Variants in TEX14 observed in about 807,000 individuals in gnomAD.
The protein encoded by TEX14 is testis expressed 14, intercellular bridge forming factor.
A neutral mutation model predicts 178.6 loss-of-function variants in TEX14; 168 were observed. The observed-to-expected ratio is 0.94, with a 90% CI of 0.83 to 1.07. TEX14 has a LOEUF of 1.07. Among genes scored for constraint, TEX14 ranks in the 50% least tolerant of loss-of-function variants. TEX14 has a pLI of 0.00. For missense variants in TEX14, 1,730 were observed against 1,753.6 expected (o/e 0.99, Z 0.24); for synonymous variants, 626 against 634.1 (o/e 0.99, Z 0.19).
chr17:58,643,949 C>G (rs930355899), intron 2 of TEX14, among the ~76,000 whole-genome samples: 2 of 151,274 alleles, frequency 1.3e-5, no homozygotes, highest in Non-Finnish European at 2.9e-5. Flanking sequence ...CTCCCCCGCC[C>G]CCCCCAAATA....
chr17:58,616,044 C>T (rs2045864496), intron 7 of TEX14, 131 bp downstream of exon 7: 3 of 1,077,336 alleles, frequency 2.8e-6, no homozygotes, highest in East Asian at 2.5e-5. Context: ...GCTGAGAAAC[C>T]CTGATTTAGA....
chr17:58,574,089 C>T lies in TEX14; in HGVS notation c.3383+98G>A, dbSNP rs181870603. On this transcript the variant is annotated intron_variant, in intron 22 of 31. Transcript: ENST00000349033. ...GCAGCATACTCACATTAAGTCTACA[C>T]GTAAAAATGGAAAGATCCTTACAAA... 1.2e-4 allele frequency: 116 copies of T among 983,844 alleles called. No individual in the cohort carries two copies. In the East Asian group the frequency reaches 1.9e-3, roughly 16 times the overall value. The allele number at this position is 983,844 out of a possible 1,614,324, so 60.9% of individuals were successfully genotyped here. A position where few individuals can be genotyped will look rare whatever the true frequency, so the allele number is the denominator to read the frequency against.
chr17:58,572,058 C>CT lies in TEX14; in HGVS notation c.3579dup (p.Glu1194ArgfsTer17). ...TGACTGTTCCAGCAAGAGGCAAACT[C>CT]TGTCTTAACCTGAAATGTGATACTT... On this transcript the variant is annotated frameshift_variant, in exon 24 of 32. Coordinates refer to ENST00000349033, the MANE Select transcript of TEX14 (RefSeq NM_031272.5). LOFTEE classifies it high-confidence loss of function. 6.2e-7 allele frequency: 1 copy of CT among 1,614,156 alleles called. No individual in the cohort carries two copies. Among genetic ancestry groups the CT allele is most frequent in the Non-Finnish European group, 8.5e-7 (1 of 1,180,004 alleles).
chr17:58,664,280 C>A (rs2047169278), intron 1 of TEX14, among the ~76,000 whole-genome samples: 1 of 152,172 alleles, frequency 6.6e-6, no homozygotes, highest in Non-Finnish European at 1.5e-5. Flanking sequence ...CTGACCACAG[C>A]TCTGAGGCCT....
chr17:58,612,380 G>A, intron 9 of TEX14, among the ~76,000 whole-genome samples: 1 of 152,122 alleles, frequency 6.6e-6, no homozygotes, highest in East Asian at 1.9e-4. Context: ...CTTGAAGCCA[G>A]GAGTTCAAGA....
chr17:58,680,897 A>G (rs778209701), intron 1 of TEX14, among the ~76,000 whole-genome samples: 13 of 152,198 alleles, frequency 8.5e-5, no homozygotes, highest in Non-Finnish European at 1.5e-4. Flanking sequence ...CTGCCAAAAT[A>G]AATTAGCCAG....
At chr17:58,628,833 C>T (rs116357634) in intron 3 of TEX14, among the ~76,000 whole-genome samples, 7,303 of 151,620 alleles carry the variant, frequency 0.048, 370 homozygotes, top group African/African-American at 0.13. Context: ...TGCAGTGAGC[C>T]GTAGTAGCGC....
At chr17:58,594,157 T>C (rs2045223819) in intron 14 of TEX14, among the ~76,000 whole-genome samples, 1 of 151,758 alleles carries the variant, frequency 6.6e-6, no homozygotes, top group Admixed American at 6.6e-5. Flanking sequence ...TACCCAGAAA[T>C]GTTGGTCTCC....
intron 13 of TEX14, among the ~76,000 whole-genome samples, chr17:58,601,446 C>T (rs1204300506): frequency 4.7e-5 from 7 of 150,388 alleles, no homozygotes; most frequent in East Asian, 3.9e-4. Context: ...TGCTTGAACC[C>T]GGGAGGCGGA....
In TEX14 at chr17:58,615,324, C is replaced by T. The variant is rs1225107393; in HGVS notation, c.789G>A (p.Arg263=). The T allele has an allele frequency of 1.2e-6, 2 of 1,612,000 alleles. 1 individual carries two copies. The highest frequency in any genetic ancestry group is 3.3e-5 in the Admixed American group (2 of 59,988). Residue 263 remains arginine, a synonymous_variant, in exon 8 of 32, where the codon AGG becomes AGA. Coordinates refer to ENST00000349033, the MANE Select transcript of TEX14 (RefSeq NM_031272.5). Reference sequence around the variant, plus strand: ...GGAGATTCAGCTCTTTCACTGTGACCCTGCTCCCATTCCACACTAGGCTAC... The same window carrying T: ...GGAGATTCAGCTCTTTCACTGTGACTCTGCTCCCATTCCACACTAGGCTAC... The part of the protein sequence containing the change: ...VMTNLVWNGS[R]VTVKELNLPT...
chr17:58,688,741 T>C (rs922994448), intron 1 of TEX14, among the ~76,000 whole-genome samples: 4 of 152,082 alleles, frequency 2.6e-5, no homozygotes, highest in African/African-American at 9.7e-5. Context: ...GGTTTGCCCA[T>C]AGCAATGTCT....
intron 1 of TEX14, among the ~76,000 whole-genome samples, chr17:58,683,052 C>CAAAAAAAAAA (rs1194798521): frequency 9.3e-5 from 5 of 54,018 alleles, no homozygotes; most frequent in Admixed American, 2.1e-4. Context: ...GAGTCTGTCT[C>CAAAAAAAAAA]AAAAAAAAAA....
chr17:58,623,065 A>G (rs750339754), intron 3 of TEX14, 53 bp from the exon 4 acceptor site: 4 of 1,538,898 alleles, frequency 2.6e-6, no homozygotes, highest in Non-Finnish European at 3.6e-6. Flanking sequence ...CCTGCATTCC[A>G]TGGAGCGGGG....
Position 58,620,996 on chromosome 17 carries a change from CCCAG to C in TEX14, c.554+650_554+653del, listed in dbSNP as rs2045985385. On this transcript the variant is annotated intron_variant, in intron 5 of 31. Coordinates refer to ENST00000349033, the MANE Select transcript of TEX14 (RefSeq NM_031272.5). ...AGGAAGCCTGCAAAAGTGTGGTGAG[CCCAG>C]CTACCCTGCTTACAGAAAGAGATGC... 2.6e-5 allele frequency among the ~76,000 whole-genome samples: 4 copies of C among 152,098 alleles called. No homozygotes were observed. The East Asian group carries it at 7.7e-4, about 29-fold the overall frequency.
At chr17:58,623,736 G>A (rs1258437112) in intron 3 of TEX14, among the ~76,000 whole-genome samples, 5 of 137,784 alleles carry the variant, frequency 3.6e-5, no homozygotes, top group African/African-American at 1.3e-4. Context: ...GAGGAGGAAG[G>A]GAAAAAAAAG....
chr17:58,674,957 C>T (rs1160003026), intron 1 of TEX14, among the ~76,000 whole-genome samples: 1 of 151,568 alleles, frequency 6.6e-6, no homozygotes, highest in African/African-American at 2.4e-5. Context: ...ACCAGCCTGG[C>T]CAACATGACG....
chr17:58,625,692 C>CA (rs1330797253), intron 3 of TEX14, among the ~76,000 whole-genome samples: 2 of 152,154 alleles, frequency 1.3e-5, no homozygotes, highest in South Asian at 4.2e-4. Flanking sequence ...ACACAGTGTT[C>CA]AAAAAAATTG....
intron 13 of TEX14, among the ~76,000 whole-genome samples, chr17:58,601,095 AC>A (rs1161650438): frequency 6.6e-6 from 1 of 151,834 alleles, no homozygotes; most frequent in African/African-American, 2.4e-5. Context: ...AAAAAAAAAA[AC>A]TTTTTTAGGC....
intron 10 of TEX14, among the ~76,000 whole-genome samples, chr17:58,607,995 A>G (rs567370435): frequency 6.6e-6 from 1 of 152,238 alleles, no homozygotes; most frequent in African/African-American, 2.4e-5. Flanking sequence ...CACCCACAGA[A>G]AAGAAGGCTG....
Sources: gnomAD v4.1 joint callset for allele counts (sites outside exome capture counted in the v4.1 genomes callset) on GRCh38, gnomAD v4.1.1 for gene constraint, MANE v1.5 for transcripts, NCBI Gene and HGNC (gene_info 2026-07-23, HGNC 2026-07-21) for gene names.